Variants in SH3PXD2B observed in about 807,000 individuals in gnomAD.
SH3PXD2B encodes SH3 and PX domains 2B.
In SH3PXD2B, 37 loss-of-function variants were observed where a neutral mutation model predicts 73.1. The observed-to-expected ratio is 0.51, with a 90% confidence interval of 0.39 to 0.67. The LOEUF (loss-of-function observed/expected upper bound fraction) is 0.67, where lower values mean the gene tolerates loss of function less well. Among genes scored for constraint, SH3PXD2B ranks in the 30% least tolerant of loss-of-function variants. The pLI, the probability that SH3PXD2B is intolerant of heterozygous loss-of-function variation, is 0.00. For synonymous variants in SH3PXD2B, 457 were observed against 480.5 expected, an observed-to-expected ratio of 0.95 and a Z score of 0.64; for missense variants, 1,053 against 1,197.8, an observed-to-expected ratio of 0.88 and a Z score of 1.78.
At chr5:172,344,644 T>C (rs1362440772) in intron 12 of SH3PXD2B, among the ~76,000 whole-genome samples, 1 of 117,250 alleles carries the variant, frequency 8.5e-6, no homozygotes, top group Non-Finnish European at 1.8e-5. Flanking sequence ...GTGTATACAA[T>C]GAAAGAGTAT....
At chr5:172,348,661 A>ATCTATCTG (rs1482779002) in intron 10 of SH3PXD2B, among the ~76,000 whole-genome samples, 4 of 30,686 alleles carry the variant, frequency 1.3e-4, no homozygotes, top group African/African-American at 3.9e-4. Flanking sequence ...TATCCTATCT[A>ATCTATCTG]TCTATCTATC....
intron 1 of SH3PXD2B, among the ~76,000 whole-genome samples, chr5:172,446,031 T>C (rs1047168794): frequency 2.6e-5 from 4 of 152,234 alleles, no homozygotes; most frequent in African/African-American, 9.6e-5. Flanking sequence ...GAGTCTGTCA[T>C]GTCAGCTGGT....
chr5:172,429,818 C>T (rs1020322784), intron 1 of SH3PXD2B, among the ~76,000 whole-genome samples: 6 of 152,176 alleles, frequency 3.9e-5, no homozygotes, highest in Non-Finnish European at 8.8e-5. Flanking sequence ...GGGACTCTAA[C>T]CTAGGTCACC....
rs1376425621 is a variant in SH3PXD2B, at chr5:172,353,981, G to A, written c.692C>T (p.Pro231Leu). ...TTCATCCTGGTCCCGAGCTGTGTAC[G>A]GGTAGATGACTGTGTACTTCTCCTC... ...EEEEKYTVIYPYTARDQDEMN... is the reference protein window; with the variant it reads ...EEEEKYTVIYLYTARDQDEMN... The change falls in exon 9 of 13, where the codon CCG (proline) becomes CTG (leucine). Residue 231 changes from proline to leucine, a missense_variant. By Grantham distance (98) the Pro-to-Leu change is moderately conservative. Around this residue, in one of 2 missense-constraint regions of SH3PXD2B, gnomAD observed 466 missense variants for 607.1 expected, o/e 0.77. Transcript: ENST00000311601. The surrounding 1 kb of genome is among the most constrained non-coding windows in gnomAD (Gnocchi z 4.3). 28 of 1,613,998 alleles carry A rather than the reference G, an allele frequency of 1.7e-5. No individual in the cohort carries two copies. Among genetic ancestry groups the A allele is most frequent in the East Asian group, 4.5e-5 (2 of 44,888 alleles).
chr5:172,395,829 G>T (rs1758281390), intron 3 of SH3PXD2B, among the ~76,000 whole-genome samples: 1 of 152,100 alleles, frequency 6.6e-6, no homozygotes, highest in Non-Finnish European at 1.5e-5. Context: ...GTATCTATGG[G>T]TAGGTCAAGG....
At chr5:172,381,084 G>T (rs1217318435) in intron 5 of SH3PXD2B, among the ~76,000 whole-genome samples, 1 of 152,220 alleles carries the variant, frequency 6.6e-6, no homozygotes, top group Non-Finnish European at 1.5e-5. Context: ...CCAAAAGGGA[G>T]CATGTGTCTT....
intron 12 of SH3PXD2B, among the ~76,000 whole-genome samples, chr5:172,340,604 C>CTT (rs201116581): frequency 1.3e-5 from 2 of 151,790 alleles, no homozygotes; most frequent in African/African-American, 4.8e-5. Flanking sequence ...AGAGACCTAC[C>CTT]TTTTTTTTGA....
At chr5:172,361,863 C>G (rs896689193) in intron 7 of SH3PXD2B, among the ~76,000 whole-genome samples, 1 of 152,186 alleles carries the variant, frequency 6.6e-6, no homozygotes, top group Non-Finnish European at 1.5e-5. Context: ...CATCTTTCTC[C>G]TCTTCTTTGG....
At chr5:172,386,950 T>A (rs537616933) in intron 4 of SH3PXD2B, among the ~76,000 whole-genome samples, 6 of 152,324 alleles carry the variant, frequency 3.9e-5, no homozygotes, top group African/African-American at 1.4e-4. Context: ...GATATAAAGT[T>A]TTCTCGAAGA....
intron 5 of SH3PXD2B, among the ~76,000 whole-genome samples, chr5:172,375,837 G>A (rs918113561): frequency 2.2e-4 from 33 of 152,120 alleles, no homozygotes; most frequent in African/African-American, 8.0e-4. Flanking sequence ...GTTTTTGTAT[G>A]GACATGTATT....
chr5:172,388,532 C>T (rs1358718915), intron 4 of SH3PXD2B, among the ~76,000 whole-genome samples: 1 of 152,210 alleles, frequency 6.6e-6, no homozygotes, highest in East Asian at 1.9e-4. Context: ...AAGCAGTTCC[C>T]TCCCTGTGGT....
Position 172,334,433 on chromosome 5 carries a change from C to A in SH3PXD2B, c.*3936G>T. On this transcript the variant is annotated 3_prime_UTR_variant, in exon 13 of 13. Coordinates refer to ENST00000311601, the MANE Select transcript of SH3PXD2B (RefSeq NM_001017995.3). ...CCTCTCATCAGCCCACAGTCTGACA[C>A]GAGGTCATCTTTGGTCTGTGGTGAG... 2 of 987,882 alleles carry A rather than the reference C, an allele frequency of 2.0e-6. No homozygotes were observed. The highest frequency in any genetic ancestry group is 2.4e-6 in the Non-Finnish European group (2 of 831,914). 61.2% of individuals were successfully genotyped at this position (987,882 alleles called of 1,614,324 possible). A position where few individuals can be genotyped will look rare whatever the true frequency, so the allele number is the denominator to read the frequency against.
chr5:172,362,123 T>C (rs1323150686), intron 7 of SH3PXD2B, among the ~76,000 whole-genome samples: 1 of 152,260 alleles, frequency 6.6e-6, no homozygotes, highest in Non-Finnish European at 1.5e-5. Flanking sequence ...GCACTCTTTG[T>C]ATCTTATCTC....
intron 2 of SH3PXD2B, among the ~76,000 whole-genome samples, chr5:172,406,766 G>C (rs759674481): frequency 1.4e-4 from 21 of 152,154 alleles, no homozygotes; most frequent in Non-Finnish European, 2.6e-4. Context: ...GCTTATGAGG[G>C]CACTATATTC....
At chr5:172,332,836 C>T (rs943564371), downstream of SH3PXD2B, among the ~76,000 whole-genome samples, 11 of 151,914 alleles carry the variant, frequency 7.2e-5, no homozygotes, top group Non-Finnish European at 1.5e-4. Context: ...AGTAGTAAAA[C>T]GTTAGGCAGT....
intron 12 of SH3PXD2B, among the ~76,000 whole-genome samples, chr5:172,345,498 C>A (rs1384707999): frequency 6.6e-6 from 1 of 152,196 alleles, no homozygotes; most frequent in Admixed American, 6.5e-5. Flanking sequence ...GATTGGCTCA[C>A]CTGCTTTTGA....
chr5:172,374,515 C>G (rs1757780055), intron 5 of SH3PXD2B, among the ~76,000 whole-genome samples: 1 of 152,184 alleles, frequency 6.6e-6, no homozygotes, highest in Non-Finnish European at 1.5e-5. Context: ...AATCCCATCT[C>G]TACTAAAAAT....
chr5:172,327,001 CAT>C (rs10554282), intron 12 of SH3PXD2B, among the ~76,000 whole-genome samples: 95,503 of 150,944 alleles, frequency 0.63, 30,455 homozygotes, highest in South Asian at 0.84. Flanking sequence ...GGATTACAGG[CAT>C]GCGCCACCAC....
chr5:172,378,372 A>G (rs556556112), intron 5 of SH3PXD2B, among the ~76,000 whole-genome samples: 1 of 152,348 alleles, frequency 6.6e-6, no homozygotes, highest in East Asian at 1.9e-4. Flanking sequence ...AGGATTCTGC[A>G]CAAATAAGGA....
Sources: gnomAD v4.1 joint callset for allele counts (sites outside exome capture counted in the v4.1 genomes callset) on GRCh38, gnomAD v4.1.1 for gene constraint, gnomAD v4.1.1 regional missense constraint, Gnocchi (gnomAD v3.1) non-coding constraint, MANE v1.5 for transcripts, NCBI Gene and HGNC (gene_info 2026-07-23, HGNC 2026-07-21) for gene names.